Variants in CLPSL1 observed in about 807,000 individuals in gnomAD.
CLPSL1 encodes the protein colipase like 1, also known as colipase-like protein 1.
In CLPSL1, 13 loss-of-function variants were observed where a neutral mutation model predicts 9.3. The observed-to-expected ratio is 1.40, with a 90% CI of 0.91 to 2.22. CLPSL1 has a LOEUF of 2.22. CLPSL1 is among the 30% of genes most tolerant of loss of function. CLPSL1 has a pLI of 0.00. For synonymous variants in CLPSL1, 58 were observed against 56.9 expected (o/e 1.02, Z -0.08); for missense variants, 164 against 146.6 (o/e 1.12, Z -0.61).
intron 1 of CLPSL1, among the ~76,000 whole-genome samples, chr6:35,784,498 G>A (rs563375682): frequency 6.6e-6 from 1 of 152,266 alleles, no homozygotes; most frequent in African/African-American, 2.4e-5. Context: ...GGAAGGAGTC[G>A]ACTGAGATGG....
chr6:35,788,595 T>C (rs1028607045), downstream of CLPSL1, among the ~76,000 whole-genome samples: 2 of 152,182 alleles, frequency 1.3e-5, no homozygotes, highest in African/African-American at 4.8e-5. Flanking sequence ...GTTTTACAGG[T>C]AGGGAAACGG....
At chr6:35,793,967 T>G (rs1323399293), downstream of CLPSL1, among the ~76,000 whole-genome samples, 1 of 152,234 alleles carries the variant, frequency 6.6e-6, no homozygotes. Flanking sequence ...TAAGGCAAAA[T>G]TAAATTCCTT....
At chr6:35,785,335 G>A (rs1192892048) in intron 1 of CLPSL1, among the ~76,000 whole-genome samples, 2 of 151,852 alleles carry the variant, frequency 1.3e-5, no homozygotes, top group East Asian at 3.9e-4. Flanking sequence ...CCGCCACCAC[G>A]CCCAGCTAAT....
downstream of CLPSL1, among the ~76,000 whole-genome samples, chr6:35,791,199 TGC>T (rs1768200929): frequency 8.5e-5 from 13 of 152,282 alleles, no homozygotes; most frequent in Admixed American, 8.5e-4. Flanking sequence ...TGGTAGAGGC[TGC>T]CGTTGTCAGA....
chr6:35,785,868 T>G (rs1455129785), intron 1 of CLPSL1, among the ~76,000 whole-genome samples: 1 of 148,832 alleles, frequency 6.7e-6, no homozygotes, highest in Admixed American at 6.8e-5. Context: ...GAGGATTGCT[T>G]GAACCTAGAG....
downstream of CLPSL1, among the ~76,000 whole-genome samples, chr6:35,791,704 G>A (rs1482135971): frequency 2.0e-5 from 3 of 152,228 alleles, no homozygotes; most frequent in Admixed American, 2.0e-4. Context: ...GTTGAGGTGG[G>A]CGGATTGCTT....
At chr6:35,789,893 C>CAAA (rs113836042), downstream of CLPSL1, among the ~76,000 whole-genome samples, 2 of 148,506 alleles carry the variant, frequency 1.3e-5, no homozygotes, top group African/African-American at 2.5e-5. Context: ...GACCCTGTCT[C>CAAA]AAAAAAAAAA....
downstream of CLPSL1, among the ~76,000 whole-genome samples, chr6:35,791,205 T>TGGTAGAG (rs1768201158): frequency 8.5e-5 from 13 of 152,280 alleles, no homozygotes; most frequent in Admixed American, 8.5e-4. Flanking sequence ...AGGCTGCCGT[T>TGGTAGAG]GTCAGAATCC....
chr6:35,787,133 G>C lies in CLPSL1; in HGVS notation c.222+13G>C. 1.2e-6 allele frequency: 2 copies of C among 1,610,836 alleles called. No individual in the cohort carries two copies. Among genetic ancestry groups the C allele is most frequent in the South Asian group, 1.1e-5 (1 of 90,278 alleles). ...GTGTCAAACGCAGGTGGGTATCGCC[G>C]CCCGGGGGGAGCCAGAGGGGATCCA... On this transcript the variant is annotated intron_variant, in intron 2 of 2. Transcript: ENST00000373861.
downstream of CLPSL1, among the ~76,000 whole-genome samples, chr6:35,789,039 T>C (rs1768142854): frequency 6.6e-6 from 1 of 152,254 alleles, no homozygotes; most frequent in Non-Finnish European, 1.5e-5. Flanking sequence ...TTGTAAGTCA[T>C]AGCAAAACGA....
downstream of CLPSL1, among the ~76,000 whole-genome samples, chr6:35,791,556 C>T (rs575744872): frequency 2.6e-5 from 4 of 151,688 alleles, no homozygotes; most frequent in South Asian, 8.3e-4. Context: ...TGCAGCGAGC[C>T]GAGATCGTGC....
At chr6:35,789,320 G>A (rs1468270140), downstream of CLPSL1, among the ~76,000 whole-genome samples, 4 of 152,242 alleles carry the variant, frequency 2.6e-5, no homozygotes, top group Non-Finnish European at 5.9e-5. Context: ...TTCAACAAGG[G>A]CACCAAGAAG....
At chr6:35,784,404 G>T (rs930086281) in intron 1 of CLPSL1, among the ~76,000 whole-genome samples, 1 of 152,106 alleles carries the variant, frequency 6.6e-6, no homozygotes, top group Non-Finnish European at 1.5e-5. Flanking sequence ...TGCTGGAGGG[G>T]TATTAATGAG....
chr6:35,787,125 G>T lies in CLPSL1; in HGVS notation c.222+5G>T. ...GGCAGTCTGTGTCAAACGCAGGTGG[G>T]TATCGCCGCCCGGGGGGAGCCAGAG... On this transcript the variant is annotated splice_donor_5th_base_variant and intron_variant, in intron 2 of 2. Transcript: ENST00000373861. 1.9e-6 allele frequency: 3 copies of T among 1,611,586 alleles called. No individual in the cohort carries two copies. The highest frequency in any genetic ancestry group is 1.3e-5 in the African/African-American group (1 of 75,074).
At chr6:35,793,424 T>TTAAA (rs1768259959) in intron 1 of CLPSL1, 1 of 224,812 alleles carries the variant, frequency 4.4e-6, no homozygotes, top group Non-Finnish European at 8.6e-6. Flanking sequence ...AAACTCTGTC[T>TTAAA]CAAAAAAAAA....
chr6:35,788,255 C>A, downstream of CLPSL1: 1 of 492,658 alleles, frequency 2.0e-6, no homozygotes, highest in Non-Finnish European at 3.7e-6. Context: ...CAGGAAGGGA[C>A]ACTGTTGGAC....
At chr6:35,789,900 A>AC (rs1298768415), downstream of CLPSL1, among the ~76,000 whole-genome samples, 1 of 152,116 alleles carries the variant, frequency 6.6e-6, no homozygotes, top group African/African-American at 2.4e-5. Flanking sequence ...TCTCAAAAAA[A>AC]AAAATTAATT....
chr6:35,791,288 G>A (rs1333274056), downstream of CLPSL1, among the ~76,000 whole-genome samples: 1 of 152,234 alleles, frequency 6.6e-6, no homozygotes, highest in Non-Finnish European at 1.5e-5. Context: ...TAAACACATT[G>A]TTTAAGTTGA....
At chr6:35,793,879 T>C (rs1768273001), downstream of CLPSL1, among the ~76,000 whole-genome samples, 3 of 152,258 alleles carry the variant, frequency 2.0e-5, no homozygotes, top group South Asian at 6.2e-4. Flanking sequence ...TCCACCTGCG[T>C]ACCTGGATGA....
Sources: allele counts gnomAD v4.1 joint callset (sites outside exome capture counted in the v4.1 genomes callset), GRCh38; gene constraint gnomAD v4.1.1; transcripts MANE v1.5; gene names NCBI Gene and HGNC (gene_info 2026-07-23, HGNC 2026-07-21).